HNF4A: variants seen among roughly 807,000 people sequenced by gnomAD.
The protein encoded by HNF4A is hepatocyte nuclear factor 4-alpha.
Under a neutral mutation model 52.4 loss-of-function variants are expected in HNF4A, and 15 were observed. The ratio of observed to expected loss-of-function variants is 0.29; its 90% CI spans 0.19 to 0.44. The LOEUF is 0.44. Among genes scored for constraint, HNF4A ranks in the 20% least tolerant of loss-of-function variants. HNF4A has a pLI of 1.00. For missense variants in HNF4A, 479 were observed against 647.2 expected, an observed-to-expected ratio of 0.74 and a Z score of 2.82; for synonymous variants, 280 against 264.4, an observed-to-expected ratio of 1.06 and a Z score of -0.57.
chr20:44,415,607 G>A (rs747025630), intron 5 of HNF4A, among the ~76,000 whole-genome samples: 23 of 152,284 alleles, frequency 1.5e-4, no homozygotes, highest in Non-Finnish European at 2.2e-4. Context: ...TCGCTTACCC[G>A]TTTCGCACCT....
chr20:44,366,659 A>T (rs1156798194), intron 1 of HNF4A, among the ~76,000 whole-genome samples: 1 of 152,182 alleles, frequency 6.6e-6, no homozygotes, highest in Non-Finnish European at 1.5e-5. Flanking sequence ...ACTTTGTATT[A>T]GGTGAACCCA....
Position 44,381,931 on chromosome 20 carries a change from T to C in HNF4A, c.50-24127T>C, listed in dbSNP as rs1487450241. 2.0e-5 allele frequency among the ~76,000 whole-genome samples: 3 copies of C among 152,166 alleles called. No homozygotes were observed. The East Asian group carries it at 5.8e-4, about 29-fold the overall frequency. ...CGGCAGGAAAGTACTTTGAATTGAG[T>C]AAATAACGCAACTATATGCTGGGCA... On this transcript the variant is annotated intron_variant, in intron 1 of 9. Coordinates refer to the HNF4A transcript ENST00000316673.
chr20:44,355,975 G>A (rs1190594578), intron 1 of HNF4A, 122 bp downstream of exon 1: 5 of 846,680 alleles, frequency 5.9e-6, no homozygotes, highest in Non-Finnish European at 9.2e-6. Context: ...CTCTGGAAGG[G>A]CAGGAAGCCC....
chr20:44,429,876 G>T lies in HNF4A; in HGVS notation c.*211G>T. Reference sequence around the variant, plus strand: ...CTCTGGATAACAAGACTTTGACTTGGGGAGACCTCTACTGCCTTGGACAAC... The same window carrying T: ...CTCTGGATAACAAGACTTTGACTTGTGGAGACCTCTACTGCCTTGGACAAC... On this transcript the variant is annotated 3_prime_UTR_variant, in exon 10 of 10. Transcript: ENST00000316099. The T allele has an allele frequency of 3.4e-6, 2 of 595,820 alleles. No individual in the cohort carries two copies. Among genetic ancestry groups the T allele is most frequent in the Non-Finnish European group, 5.9e-6 (2 of 336,404 alleles). The allele number at this position is 595,820 out of a possible 1,614,324, so 36.9% of individuals were successfully genotyped here. A position where few individuals can be genotyped will look rare whatever the true frequency, so the allele number is the denominator to read the frequency against.
chr20:44,397,534 C>T (rs1021219889), upstream of HNF4A, among the ~76,000 whole-genome samples: 23 of 152,176 alleles, frequency 1.5e-4, no homozygotes, highest in African/African-American at 4.6e-4. Context: ...TAACTATAAT[C>T]GCTCTACTGT....
At chr20:44,377,155 A>G (rs973062453) in intron 1 of HNF4A, among the ~76,000 whole-genome samples, 3 of 152,216 alleles carry the variant, frequency 2.0e-5, no homozygotes, top group Admixed American at 2.0e-4. Context: ...TATGGCTGGA[A>G]ACCATTATCC....
chr20:44,365,509 CATAG>C (rs2062961899), intron 1 of HNF4A, among the ~76,000 whole-genome samples: 1 of 151,942 alleles, frequency 6.6e-6, no homozygotes, highest in Admixed American at 6.6e-5. Context: ...TAAAAAAGTG[CATAG>C]ATAGATACAG....
chr20:44,417,680 C>A (rs2063684140), intron 5 of HNF4A, among the ~76,000 whole-genome samples: 1 of 152,112 alleles, frequency 6.6e-6, no homozygotes, highest in Non-Finnish European at 1.5e-5. Flanking sequence ...GCCTAAGAAT[C>A]TGTATTTTCA....
chr20:44,409,451 G>T (rs1040728255), intron 3 of HNF4A, among the ~76,000 whole-genome samples: 3 of 152,184 alleles, frequency 2.0e-5, no homozygotes, highest in Non-Finnish European at 4.4e-5. Context: ...TAAGATTTTA[G>T]GCACTATGAT....
In HNF4A at chr20:44,430,651, A is replaced by G. The variant is rs940071204; in HGVS notation, c.*986A>G. On this transcript the variant is annotated 3_prime_UTR_variant, in exon 10 of 10. Transcript: ENST00000316099. ...TGAAGAGAGAGAGGGCCTGCTGGAG[A>G]GCATAGGGTCTGGAACACCAGGCTG... 2.6e-5 allele frequency: 4 copies of G among 152,530 alleles called. No individual in the cohort carries two copies. The highest frequency in any genetic ancestry group is 4.8e-5 in the African/African-American group (2 of 41,432). The allele number at this position is 152,530 out of a possible 1,614,324, so 9.4% of individuals were successfully genotyped here.
chr20:44,388,471 T>A (rs1187034075), intron 1 of HNF4A, among the ~76,000 whole-genome samples: 2 of 148,524 alleles, frequency 1.3e-5, no homozygotes, highest in East Asian at 4.0e-4. Flanking sequence ...GGTTTTAAAA[T>A]CTTACGTTCT....
chr20:44,402,710 C>A, intron 1 of HNF4A: 1 of 1,007,026 alleles, frequency 9.9e-7, no homozygotes, highest in Non-Finnish European at 1.4e-6. Context: ...CCCAGGCCAG[C>A]CTCAGAGGAG....
At chr20:44,363,941 C>T (rs1029657482) in intron 1 of HNF4A, among the ~76,000 whole-genome samples, 19 of 152,128 alleles carry the variant, frequency 1.2e-4, no homozygotes, top group Non-Finnish European at 2.1e-4. Flanking sequence ...CCTCCCACCT[C>T]GGCCTCCCAA....
chr20:44,406,801 T>C (rs1340405344), intron 2 of HNF4A, among the ~76,000 whole-genome samples: 3 of 152,266 alleles, frequency 2.0e-5, no homozygotes, highest in Non-Finnish European at 4.4e-5. Flanking sequence ...TCATTTCACC[T>C]GTCAACACCC....
At chr20:44,426,970 G>A (rs2063821427) in intron 8 of HNF4A, among the ~76,000 whole-genome samples, 1 of 152,214 alleles carries the variant, frequency 6.6e-6, no homozygotes, top group Admixed American at 6.5e-5. Flanking sequence ...GATTTTGGAG[G>A]TGTTTCAGTG....
chr20:44,356,900 C>G (rs1275353246), intron 1 of HNF4A, among the ~76,000 whole-genome samples: 1 of 152,206 alleles, frequency 6.6e-6, no homozygotes, highest in Non-Finnish European at 1.5e-5. Context: ...AGTTGTGACT[C>G]TGTCACACGG....
chr20:44,427,549 C>T (rs1204184302), intron 8 of HNF4A, among the ~76,000 whole-genome samples: 1 of 152,182 alleles, frequency 6.6e-6, no homozygotes, highest in Non-Finnish European at 1.5e-5. Context: ...ATATTACTCA[C>T]CATAGGCTAT....
chr20:44,356,394 G>T (rs1418864294), intron 1 of HNF4A, among the ~76,000 whole-genome samples: 1 of 152,182 alleles, frequency 6.6e-6, no homozygotes, highest in Non-Finnish European at 1.5e-5. Flanking sequence ...AAACTCAGAT[G>T]CAGGGCTAGA....
At chr20:44,405,740 G>A (rs533775690) in intron 1 of HNF4A, among the ~76,000 whole-genome samples, 9 of 152,150 alleles carry the variant, frequency 5.9e-5, no homozygotes, top group African/African-American at 1.7e-4. Flanking sequence ...GCCCCCTTGC[G>A]AGTTAGGAGG....
Sources: allele counts gnomAD v4.1 joint callset (sites outside exome capture counted in the v4.1 genomes callset), GRCh38; gene constraint gnomAD v4.1.1; transcripts MANE v1.5; gene names NCBI Gene and HGNC (gene_info 2026-07-23, HGNC 2026-07-21).